SCAF4: variants seen among roughly 807,000 people sequenced by gnomAD.
The protein encoded by SCAF4 is SR-related CTD associated factor 4.
A neutral mutation model predicts 129.8 loss-of-function variants in SCAF4; 25 were observed. The ratio of observed to expected loss-of-function variants is 0.19; its 90% confidence interval spans 0.14 to 0.27. The LOEUF (loss-of-function observed/expected upper bound fraction) is 0.27, where lower values mean the gene tolerates loss of function less well. SCAF4 is among the 10% of genes least tolerant of loss of function. SCAF4 has a pLI of 1.00. For missense variants in SCAF4, 1,246 were observed against 1,457.1 expected (o/e 0.86, Z 2.36); for synonymous variants, 551 against 497.7 (o/e 1.11, Z -1.43).
intron 1 of SCAF4, among the ~76,000 whole-genome samples, chr21:31,712,527 CTTTT>C (rs567950595): frequency 2.7e-4 from 33 of 124,008 alleles, no homozygotes; most frequent in Non-Finnish European, 3.5e-4. Flanking sequence ...CTGATTCTCC[CTTTT>C]TTTTTTTTTT....
At chr21:31,721,758 G>A (rs141973248) in intron 1 of SCAF4, among the ~76,000 whole-genome samples, 3,333 of 133,990 alleles carry the variant, frequency 0.025, 130 homozygotes, top group African/African-American at 0.088. Flanking sequence ...ATGGAATCTC[G>A]CTCTGTTGCC....
intron 1 of SCAF4, among the ~76,000 whole-genome samples, chr21:31,730,860 T>A (rs753916947): frequency 6.6e-6 from 1 of 152,178 alleles, no homozygotes; most frequent in African/African-American, 2.4e-5. Context: ...CACATGTAAA[T>A]GTCCTCGTAG....
In SCAF4 at chr21:31,671,108, TA is replaced by T. The variant is rs573116164; in HGVS notation, c.*290del. 30,603 of 207,156 alleles carry T rather than the reference TA, an allele frequency of 0.15. 186 individuals are homozygous for T. Among genetic ancestry groups the T allele is most frequent in the Middle Eastern group, 0.21 (132 of 616 alleles). The allele number at this position is 207,156 out of a possible 1,614,324, so 12.8% of individuals were successfully genotyped here. A position where few individuals can be genotyped will look rare whatever the true frequency, so the allele number is the denominator to read the frequency against. ...CTTTCACCGTTACCTTGTCTTAAAT[TA>T]AAAAAAAAAAAAAAAATAGAGAGCA... is the stretch of plus-strand genomic sequence containing the variant. On this transcript the variant is annotated 3_prime_UTR_variant, in exon 20 of 20. Transcript: ENST00000286835.
chr21:31,703,951 A>G lies in SCAF4; in HGVS notation c.160-25T>C, dbSNP rs367785812. 9.0e-6 allele frequency: 13 copies of G among 1,438,120 alleles called. No individual in the cohort carries two copies. In the African/African-American group the frequency reaches 1.5e-4, roughly 17 times the overall value. The allele number at this position is 1,438,120 out of a possible 1,614,324, so 89.1% of individuals were successfully genotyped here. A position where few individuals can be genotyped will look rare whatever the true frequency, so the allele number is the denominator to read the frequency against. ...ACTGCAAGGATAAAGATGTAAGATC[A>G]GTACAGAAAAAGCAAAGTCACAATC... On this transcript the variant is annotated intron_variant, in intron 3 of 19. Coordinates refer to ENST00000286835, the MANE Select transcript of SCAF4 (RefSeq NM_020706.2).
In SCAF4 at chr21:31,685,210, G is replaced by A; in HGVS notation, c.2327C>T (p.Thr776Ile). The change falls in exon 19 of 20, where the codon ACA (threonine) becomes ATA (isoleucine). Residue 776 changes from threonine (T) to isoleucine (I), a missense_variant. This residue lies in a region of SCAF4 where 468 missense variants were observed against 605.5 expected (regional missense o/e 0.77). Transcript: ENST00000286835. Reference sequence around the variant, plus strand: ...GGGATTTCCAATAGATAAGTCTTTTGTAGTGTCTTCATTTATACCAGCGAT... The same window carrying A: ...GGGATTTCCAATAGATAAGTCTTTTATAGTGTCTTCATTTATACCAGCGAT... ...STIAGINEDT[T>I]KDLSIGNPIP... is the part of the protein sequence containing the mutation. 6.2e-7 allele frequency: 1 copy of A among 1,610,610 alleles called. No individual in the cohort carries two copies. The highest frequency in any genetic ancestry group is 8.5e-7 in the Non-Finnish European group (1 of 1,177,690).
At chr21:31,689,755 C>T (rs117192763) in intron 15 of SCAF4, among the ~76,000 whole-genome samples, 1 of 150,574 alleles carries the variant, frequency 6.6e-6, no homozygotes, top group Non-Finnish European at 1.5e-5. Context: ...ATGGTGAAAC[C>T]CCTTCTCTAC....
intron 18 of SCAF4, 74 bp from the exon 19 acceptor site, chr21:31,685,314 C>CTA (rs1298074359): frequency 1.5e-5 from 23 of 1,488,950 alleles, no homozygotes; most frequent in African/African-American, 4.2e-5. Context: ...TTATGCCATA[C>CTA]TATAGATCCT....
chr21:31,691,937 C>G lies in SCAF4; in HGVS notation c.1615-7G>C, dbSNP rs750217820. The G allele has an allele frequency of 7.1e-7, 1 of 1,407,740 alleles. No homozygotes were observed. The highest frequency in any genetic ancestry group is 9.9e-7 in the Non-Finnish European group (1 of 1,011,866). 87.2% of individuals were successfully genotyped at this position (1,407,740 alleles called of 1,614,324 possible). A position where few individuals can be genotyped will look rare whatever the true frequency, so the allele number is the denominator to read the frequency against. On this transcript the variant is annotated splice_region_variant and splice_polypyrimidine_tract_variant and intron_variant, in intron 13 of 19. Transcript: ENST00000286835. Reference sequence around the variant, plus strand: ...AACCCCTGGGAGGAATCATCTGCTCCAAAACATTTTAATATTATAAAAGAT... The same window carrying G: ...AACCCCTGGGAGGAATCATCTGCTCGAAAACATTTTAATATTATAAAAGAT...
chr21:31,725,548 T>G (rs1341062410), intron 1 of SCAF4, among the ~76,000 whole-genome samples: 1 of 152,234 alleles, frequency 6.6e-6, no homozygotes, highest in Non-Finnish European at 1.5e-5. Context: ...CTCGCATTTT[T>G]TTTCTGTACT....
At chr21:31,705,674 A>G (rs2050641181) in intron 2 of SCAF4, among the ~76,000 whole-genome samples, 1 of 152,158 alleles carries the variant, frequency 6.6e-6, no homozygotes, top group Non-Finnish European at 1.5e-5. Context: ...TTCCCCAAAC[A>G]GAAGATCCCT....
chr21:31,677,670 T>A (rs1165186205), intron 19 of SCAF4, among the ~76,000 whole-genome samples: 1 of 152,190 alleles, frequency 6.6e-6, no homozygotes, highest in Non-Finnish European at 1.5e-5. Flanking sequence ...CTAGAAACTC[T>A]ACTTGGCTTT....
At chr21:31,686,006 C>A (rs982165373) in intron 16 of SCAF4, among the ~76,000 whole-genome samples, 5 of 151,776 alleles carry the variant, frequency 3.3e-5, no homozygotes, top group African/African-American at 1.2e-4. Flanking sequence ...AGTTCAAGAC[C>A]AGCCTGGTCA....
intron 19 of SCAF4, among the ~76,000 whole-genome samples, chr21:31,679,096 G>A (rs1032530468): frequency 1.6e-4 from 24 of 152,296 alleles, no homozygotes; most frequent in African/African-American, 5.8e-4. Context: ...TTTTCCCAGG[G>A]TGGTAAGAAT....
In SCAF4 at chr21:31,672,908, G is replaced by A. The variant is rs370485953; in HGVS notation, c.2489-554C>T. 2.0e-5 allele frequency among the ~76,000 whole-genome samples: 3 copies of A among 152,210 alleles called. 1 individual carries two copies. Among genetic ancestry groups the A allele is most frequent in the Admixed American group, 1.3e-4 (2 of 15,282 alleles). ...ATGCCTCATGCAGTTACTATGCAAT[G>A]TGCATCAAATAAACACTAATGTCTA... On this transcript the variant is annotated intron_variant, in intron 19 of 19. Coordinates refer to ENST00000286835, the MANE Select transcript of SCAF4 (RefSeq NM_020706.2).
intron 14 of SCAF4, among the ~76,000 whole-genome samples, 173 bp downstream of exon 14, chr21:31,691,644 C>T (rs1320268486): frequency 7.0e-6 from 1 of 141,968 alleles, no homozygotes; most frequent in East Asian, 2.1e-4. Context: ...TATGCTGAAA[C>T]ACTGGAGTTC....
chr21:31,672,465 T>C lies in SCAF4; in HGVS notation c.2489-111A>G. The C allele has an allele frequency of 4.5e-6, 4 of 889,628 alleles. No individual in the cohort carries two copies. In the East Asian group the frequency reaches 7.9e-5, roughly 18 times the overall value. 55.1% of individuals were successfully genotyped at this position (889,628 alleles called of 1,614,324 possible). On this transcript the variant is annotated intron_variant, in intron 19 of 19. Coordinates refer to ENST00000286835, the MANE Select transcript of SCAF4 (RefSeq NM_020706.2). ...TAAAATTCAACCCACAATCTTCAAATTTCATAGTTTGCCACTCTGTCACAA... is the reference window on the plus strand; with the variant it reads ...TAAAATTCAACCCACAATCTTCAAACTTCATAGTTTGCCACTCTGTCACAA...
intron 10 of SCAF4, among the ~76,000 whole-genome samples, 182 bp from the exon 11 acceptor site, chr21:31,694,471 AC>A (rs2050336124): frequency 1.3e-5 from 2 of 152,144 alleles, no homozygotes; most frequent in South Asian, 4.1e-4. Flanking sequence ...AACAAAAACC[AC>A]TTTTATATTG....
intron 11 of SCAF4, 51 bp downstream of exon 11, chr21:31,694,153 C>T (rs1157945240): frequency 1.0e-6 from 1 of 958,490 alleles, no homozygotes; most frequent in South Asian, 1.5e-5. Context: ...ATTTTAATTT[C>T]TATGTCCCCT....
chr21:31,696,019 C>A, intron 9 of SCAF4, 94 bp downstream of exon 9: 1 of 734,012 alleles, frequency 1.4e-6, no homozygotes, highest in South Asian at 2.7e-5. Flanking sequence ...TACGACTTAG[C>A]CAATTACATA....
Sources: allele counts gnomAD v4.1 joint callset (sites outside exome capture counted in the v4.1 genomes callset), GRCh38; gene constraint gnomAD v4.1.1; regional missense constraint gnomAD v4.1.1; transcripts MANE v1.5; gene names NCBI Gene and HGNC (gene_info 2026-07-23, HGNC 2026-07-21).